ADAMTS20: variants seen among roughly 807,000 people sequenced by gnomAD.
ADAMTS20 encodes ADAM metallopeptidase with thrombospondin type 1 motif 20.
In ADAMTS20, 225 loss-of-function variants were observed where a neutral mutation model predicts 260.1. The ratio of observed to expected loss-of-function variants is 0.87; its 90% CI spans 0.78 to 0.97. ADAMTS20 has a LOEUF of 0.97. Among genes scored for constraint, ADAMTS20 ranks in the 50% least tolerant of loss-of-function variants. ADAMTS20 has a pLI of 0.00. For missense variants in ADAMTS20, 2,400 were observed against 2,337.7 expected (o/e 1.03, Z -0.55); for synonymous variants, 802 against 769.5 (o/e 1.04, Z -0.70).
chr12:43,443,957 G>A (rs1220908800), intron 15 of ADAMTS20, 74 bp from the exon 16 acceptor site: 1 of 1,180,488 alleles, frequency 8.5e-7, no homozygotes, highest in Non-Finnish European at 1.2e-6. Flanking sequence ...CTGAATGGAT[G>A]AAAAATTCGA....
chr12:43,480,374 T>A (rs1453774470), intron 7 of ADAMTS20, among the ~76,000 whole-genome samples: 1 of 152,200 alleles, frequency 6.6e-6, no homozygotes, highest in Non-Finnish European at 1.5e-5. Flanking sequence ...TAGAAAAATC[T>A]ATGCTGCAAT....
At chr12:43,397,329 T>G (rs1229502500) in intron 29 of ADAMTS20, among the ~76,000 whole-genome samples, 1 of 152,200 alleles carries the variant, frequency 6.6e-6, no homozygotes, top group African/African-American at 2.4e-5. Flanking sequence ...AGGATAATGC[T>G]TAGTCACAGA....
At chr12:43,418,395 C>G (rs1941170940) in intron 28 of ADAMTS20, among the ~76,000 whole-genome samples, 1 of 152,100 alleles carries the variant, frequency 6.6e-6, no homozygotes, top group Admixed American at 6.5e-5. Context: ...CTGCAACCTC[C>G]GCCTCCCAGG....
intron 14 of ADAMTS20, among the ~76,000 whole-genome samples, chr12:43,447,355 T>G (rs1487899152): frequency 6.6e-6 from 1 of 152,068 alleles, no homozygotes; most frequent in African/African-American, 2.4e-5. Flanking sequence ...AATCAACAAA[T>G]GCAATTCATC....
rs1012977939 is a variant in ADAMTS20, at chr12:43,532,249, A to C, written c.454-54T>G. On this transcript the variant is annotated intron_variant, in intron 2 of 38. Transcript: ENST00000389420. ...TTTCCTAACAGTCGCCAAGAAGAAA[A>C]AACACATAGTACCACAGGTTAAATG... The C allele has an allele frequency of 6.7e-5, 100 of 1,500,948 alleles. 1 individual carries two copies. The highest frequency in any genetic ancestry group is 8.4e-5 in the Non-Finnish European group (93 of 1,108,686). 93.0% of individuals were successfully genotyped at this position (1,500,948 alleles called of 1,614,324 possible).
intron 37 of ADAMTS20, 102 bp from the exon 38 acceptor site, chr12:43,356,690 T>C (rs536222188): frequency 5.4e-6 from 4 of 735,146 alleles, no homozygotes; most frequent in African/African-American, 1.8e-5. Context: ...TAATACTATA[T>C]AATGTTATTT....
intron 6 of ADAMTS20, 123 bp from the exon 7 acceptor site, chr12:43,490,558 T>C: frequency 2.1e-6 from 1 of 486,062 alleles, no homozygotes; most frequent in Non-Finnish European, 3.6e-6. Flanking sequence ...TAAAATCTAG[T>C]TCACATTAAC....
chr12:43,540,097 T>C (rs1943356540), intron 2 of ADAMTS20, among the ~76,000 whole-genome samples: 1 of 152,184 alleles, frequency 6.6e-6, no homozygotes, highest in Middle Eastern at 3.4e-3. Flanking sequence ...TTGGCCAGGC[T>C]AGTCTCGATC....
chr12:43,434,275 G>A lies in ADAMTS20; in HGVS notation c.2690C>T (p.Thr897Ile), dbSNP rs775013375. The A allele has an allele frequency of 5.0e-6, 8 of 1,588,014 alleles. No individual in the cohort carries two copies. The South Asian group carries it at 6.9e-5, about 14-fold the overall frequency. Reference sequence around the variant, plus strand: ...TTCACAGTCTGTATTGCAACTTTGAGTAACAAATGATGGAAGTGGCAAGTG... The same window carrying A: ...TTCACAGTCTGTATTGCAACTTTGAATAACAAATGATGGAAGTGGCAAGTG... The part of the protein sequence containing the change: ...CDHLPLPSFV[T>I]QSCNTDCELR... The change falls in exon 19 of 39, where the codon ACT becomes ATT. Residue 897 changes from threonine to isoleucine, a missense_variant. Thr to Ile is a moderately conservative substitution (Grantham distance 89, BLOSUM62 -1). Transcript: ENST00000389420.
rs752944731 is a variant in ADAMTS20, at chr12:43,493,261, TA to T, written c.868-9del. 431 of 1,516,930 alleles carry T rather than the reference TA, an allele frequency of 2.8e-4. No homozygotes were observed. Among genetic ancestry groups the T allele is most frequent in the Admixed American group, 6.0e-4 (28 of 46,866 alleles). The allele number at this position is 1,516,930 out of a possible 1,614,324, so 94.0% of individuals were successfully genotyped here. On this transcript the variant is annotated splice_polypyrimidine_tract_variant and intron_variant, in intron 4 of 38. Coordinates refer to ENST00000389420, the MANE Select transcript of ADAMTS20 (RefSeq NM_025003.5). ...TTTGTAGATTGTTGCAACCTGCATGTAAAAAAAATGTAGGATTAGTTGTTTA... is the reference window on the plus strand; with the variant it reads ...TTTGTAGATTGTTGCAACCTGCATGTAAAAAAATGTAGGATTAGTTGTTTA...
intron 28 of ADAMTS20, among the ~76,000 whole-genome samples, chr12:43,410,656 A>C (rs1028420274): frequency 1.3e-5 from 2 of 152,312 alleles, no homozygotes; most frequent in African/African-American, 4.8e-5. Context: ...GGCAATATGG[A>C]GGGTAAATAT....
rs199694502 is a variant in ADAMTS20 at position 43,519,795 on chromosome 12, T to G, written c.613+12241A>C. On this transcript the variant is annotated intron_variant, in intron 3 of 38. Transcript: ENST00000389420. ...GTACTCAATATACAAAAGAGAGAGATAACGAATTCAGAAATTTATCTTATT... is the reference window on the plus strand; with the variant it reads ...GTACTCAATATACAAAAGAGAGAGAGAACGAATTCAGAAATTTATCTTATT... Among the ~76,000 whole-genome samples, 4 of 152,290 alleles carry G rather than the reference T, an allele frequency of 2.6e-5. No homozygotes were observed. The East Asian group carries it at 5.8e-4, about 22-fold the overall frequency.
rs1336783250 is a variant in ADAMTS20 at position 43,452,301 on chromosome 12, A to G, written c.2052T>C (p.His684=). The G allele has an allele frequency of 6.2e-7, 1 of 1,612,638 alleles. No homozygotes were observed. Among genetic ancestry groups the G allele is most frequent in the Admixed American group, 1.7e-5 (1 of 59,828 alleles). Residue 684 remains histidine, a synonymous_variant, in exon 14 of 39, where the codon CAT becomes CAC. Transcript: ENST00000389420. ...EDGTPCGTET[H]DICVQGQCMA... ...TACACTGGCCTTGAACACAGATGTC[A>G]TGAGTTTCAGTTCCACAAGGAGTAC... is the stretch of plus-strand genomic sequence containing the variant.
At chr12:43,506,211 C>A (rs1327449497) in intron 3 of ADAMTS20, among the ~76,000 whole-genome samples, 1 of 151,804 alleles carries the variant, frequency 6.6e-6, no homozygotes, top group East Asian at 1.9e-4. Context: ...TTGAAGTTAT[C>A]ATGCTAAGTC....
rs371102650 is a variant in ADAMTS20, at chr12:43,453,923, G to T, written c.1744C>A (p.Arg582Ser). The T allele has an allele frequency of 7.5e-6, 12 of 1,606,342 alleles. No homozygotes were observed. The highest frequency in any genetic ancestry group is 2.2e-5 in the East Asian group (1 of 44,752). Residue 582 changes from arginine to serine, a missense_variant, in exon 12 of 39, where the codon CGC becomes AGC. Arg to Ser is a moderately radical substitution (Grantham distance 110, BLOSUM62 -1). Transcript: ENST00000389420. ...AAGACATACTCAGGACGATTACAGC[G>T]CCTGGTTGCACTTTCGATTCCGCCT... is the stretch of plus-strand genomic sequence containing the variant. ...CGGGIESATR[R>S]CNRPEPRNGG...
chr12:43,499,486 A>ATTTTTTTTTTTTTTTTTTT, intron 4 of ADAMTS20, among the ~76,000 whole-genome samples: 1 of 126,106 alleles, frequency 7.9e-6, no homozygotes, highest in Non-Finnish European at 1.6e-5. Flanking sequence ...GATGATACTG[A>ATTTTTTTTTTTTTTTTTTT]TTTTTTTTTT....
At chr12:43,396,052 G>A (rs1210454735) in intron 29 of ADAMTS20, among the ~76,000 whole-genome samples, 2 of 151,930 alleles carry the variant, frequency 1.3e-5, no homozygotes, top group Non-Finnish European at 2.9e-5. Context: ...CCAGGAAGTG[G>A]GGGTGGGGTG....
intron 7 of ADAMTS20, among the ~76,000 whole-genome samples, chr12:43,469,785 A>G (rs1316267092): frequency 1.3e-5 from 2 of 152,178 alleles, no homozygotes; most frequent in African/African-American, 4.8e-5. Flanking sequence ...TCTTCCTAGC[A>G]TTTAAGGTAG....
At chr12:43,369,217 T>TA (rs918595798) in intron 37 of ADAMTS20, 73 bp downstream of exon 37, 54 of 936,894 alleles carry the variant, frequency 5.8e-5, no homozygotes, top group Admixed American at 2.7e-4. Context: ...ATATTCTGGT[T>TA]AAAAAAATGA....
Sources: allele counts gnomAD v4.1 joint callset (sites outside exome capture counted in the v4.1 genomes callset), GRCh38; gene constraint gnomAD v4.1.1; transcripts MANE v1.5; gene names NCBI Gene and HGNC (gene_info 2026-07-23, HGNC 2026-07-21).